The following RBFOX1 variants were observed in gnomAD, a reference collection of about 807,000 sequenced individuals.
The protein encoded by RBFOX1 is RNA binding fox-1 homolog 1.
RBFOX1 carries 8 observed loss-of-function variants against 57.7 expected under a neutral mutation model. The observed-to-expected ratio is 0.14, with a 90% CI of 0.08 to 0.25. RBFOX1 has a LOEUF of 0.25. RBFOX1 is among the 10% of genes least tolerant of loss of function. The pLI is 1.00. For synonymous variants in RBFOX1, 326 were observed against 222.4 expected (o/e 1.47, Z -4.15); for missense variants, 611 against 548.5 (o/e 1.11, Z -1.14).
chr16:6,816,742 A>T (rs1376412741), intron 3 of RBFOX1, among the ~76,000 whole-genome samples: 1 of 151,352 alleles, frequency 6.6e-6, no homozygotes, highest in Non-Finnish European at 1.5e-5. Context: ...TGTCTCAAAA[A>T]AAAAAAAAAA....
At position 6,836,706 on chromosome 16, in the gene RBFOX1, T is replaced by C. The variant is rs768797849; in HGVS notation, c.-16+182056T>C. On this transcript the variant is annotated intron_variant, in intron 3 of 15. Coordinates refer to ENST00000550418, the MANE Select transcript of RBFOX1 (RefSeq NM_018723.4). ...TTTATCCTGTGTGGACTATGATAGC[T>C]CCCTTGCTACAATAACATAGTTCTT... Among the ~76,000 whole-genome samples the C allele has an allele frequency of 3.0e-4, 46 of 152,290 alleles. 1 individual carries two copies. The highest frequency in any genetic ancestry group is 2.8e-4 in the Non-Finnish European group (19 of 68,018).
chr16:5,524,246 A>C (rs1454759829), intron 2 of RBFOX1, among the ~76,000 whole-genome samples: 1 of 152,206 alleles, frequency 6.6e-6, no homozygotes, highest in Non-Finnish European at 1.5e-5. Flanking sequence ...AGAGTAACTC[A>C]GGAGAGTGTG....
At chr16:6,199,526 T>A (rs755878256) in intron 1 of RBFOX1, among the ~76,000 whole-genome samples, 1 of 152,190 alleles carries the variant, frequency 6.6e-6, no homozygotes, top group East Asian at 1.9e-4. Context: ...GTGACTAAAA[T>A]GGTAGTTCTA....
intron 2 of RBFOX1, chr16:6,577,479 C>T (rs1244904363): frequency 1.3e-5 from 2 of 152,174 alleles, no homozygotes; most frequent in Non-Finnish European, 2.9e-5. Flanking sequence ...AGTCGGGGAA[C>T]ACCAAGTTGT....
At chr16:5,389,968 G>A in intron 1 of RBFOX1, among the ~76,000 whole-genome samples, 1 of 152,094 alleles carries the variant, frequency 6.6e-6, no homozygotes, top group Middle Eastern at 3.4e-3. Context: ...CAAAGTGCTG[G>A]GATTACAGGC....
chr16:7,034,239 G>C (rs537017383), intron 3 of RBFOX1, among the ~76,000 whole-genome samples: 2 of 152,120 alleles, frequency 1.3e-5, no homozygotes, highest in Non-Finnish European at 2.9e-5. Flanking sequence ...CTCCATCTCA[G>C]TGCTCTCATC....
chr16:5,515,502 G>A (rs528876872), intron 2 of RBFOX1, among the ~76,000 whole-genome samples: 18 of 152,288 alleles, frequency 1.2e-4, no homozygotes, highest in Non-Finnish European at 1.9e-4. Flanking sequence ...GGTTCCCCAG[G>A]CACTAAAATC....
chr16:6,660,085 T>C (rs1454309233), intron 3 of RBFOX1, among the ~76,000 whole-genome samples: 1 of 151,704 alleles, frequency 6.6e-6, no homozygotes, highest in Non-Finnish European at 1.5e-5. Flanking sequence ...ATTTCCTGGG[T>C]GTGGTGGCAC....
intron 3 of RBFOX1, among the ~76,000 whole-genome samples, chr16:6,993,848 G>A (rs1233312939): frequency 1.3e-5 from 2 of 152,156 alleles, no homozygotes; most frequent in East Asian, 1.9e-4. Context: ...AAATGCTTGT[G>A]AAGCAATACC....
chr16:6,845,146 T>A (rs2093688736), intron 3 of RBFOX1, among the ~76,000 whole-genome samples: 1 of 78,094 alleles, frequency 1.3e-5, no homozygotes, highest in Admixed American at 1.6e-4. Flanking sequence ...TTCACTCTGG[T>A]AGTTTCTTTT....
chr16:7,209,557 C>A (rs2090699860), intron 4 of RBFOX1, among the ~76,000 whole-genome samples: 1 of 152,198 alleles, frequency 6.6e-6, no homozygotes, highest in Non-Finnish European at 1.5e-5. Context: ...GCAAACATTA[C>A]CTCCTCAAAG....
At chr16:6,232,277 G>T (rs1338005463) in intron 1 of RBFOX1, among the ~76,000 whole-genome samples, 1 of 152,216 alleles carries the variant, frequency 6.6e-6, no homozygotes, top group Non-Finnish European at 1.5e-5. Context: ...CCTCATCTCT[G>T]CACCAGTGTC....
intron 1 of RBFOX1, among the ~76,000 whole-genome samples, chr16:6,105,275 T>C (rs115507152): frequency 0.016 from 2,482 of 152,318 alleles, 75 homozygotes; most frequent in African/African-American, 0.056. Context: ...AGCTGATCAT[T>C]TGTTTTAAAC....
intron 4 of RBFOX1, among the ~76,000 whole-genome samples, chr16:7,394,681 G>A (rs544337472): frequency 1.2e-3 from 189 of 152,200 alleles, no homozygotes; most frequent in African/African-American, 4.4e-3. Flanking sequence ...AGGCAGTTTC[G>A]GAGACCACGC....
At chr16:5,761,435 C>G (rs1006471420) in intron 3 of RBFOX1, among the ~76,000 whole-genome samples, 2 of 152,262 alleles carry the variant, frequency 1.3e-5, no homozygotes, top group South Asian at 2.1e-4. Context: ...TAAAGACATA[C>G]CCAATACTGG....
chr16:7,559,472 C>T (rs1455054172), intron 5 of RBFOX1, among the ~76,000 whole-genome samples: 3 of 152,178 alleles, frequency 2.0e-5, no homozygotes, highest in Admixed American at 2.0e-4. Flanking sequence ...CCAACCCCAT[C>T]TGCCTTAAAA....
At chr16:6,037,316 C>T (rs567370091) in intron 1 of RBFOX1, 1 of 152,082 alleles carries the variant, frequency 6.6e-6, no homozygotes, top group East Asian at 1.9e-4. Flanking sequence ...CTGAAAATTC[C>T]AAGAATGAAA....
At chr16:6,779,796 CTTTTATAT>C (rs2080100532) in intron 3 of RBFOX1, among the ~76,000 whole-genome samples, 2 of 3,004 alleles carry the variant, frequency 6.7e-4, no homozygotes, top group African/African-American at 3.2e-3. Flanking sequence ...TTTATATATA[CTTTTATAT>C]ATTTATATAT....
Position 6,006,964 on chromosome 16 carries a change from C to T in RBFOX1, c.351+139629C>T, listed in dbSNP as rs13336340. 9.0e-3 allele frequency among the ~76,000 whole-genome samples: 1,367 copies of T among 152,278 alleles called. 22 individuals are homozygous for T. Among genetic ancestry groups the T allele is most frequent in the African/African-American group, 0.03 (1,267 of 41,556 alleles). On this transcript the variant is annotated intron_variant, in intron 4 of 19. Coordinates refer to the RBFOX1 transcript ENST00000641259. ...CTGCCATCCATGTAGGATTATATCTCACTGGAACCAAGCTTTCTGGGAATG... is the reference window on the plus strand; with the variant it reads ...CTGCCATCCATGTAGGATTATATCTTACTGGAACCAAGCTTTCTGGGAATG...
Sources: gnomAD v4.1 joint callset for allele counts (sites outside exome capture counted in the v4.1 genomes callset) on GRCh38, gnomAD v4.1.1 for gene constraint, MANE v1.5 for transcripts, NCBI Gene and HGNC (gene_info 2026-07-23, HGNC 2026-07-21) for gene names.